MUC6: variants seen among roughly 807,000 people sequenced by gnomAD.
MUC6 encodes the protein mucin-6.
Under a neutral mutation model 201.5 loss-of-function variants are expected in MUC6, and 188 were observed. The observed-to-expected ratio is 0.93, with a 90% CI of 0.83 to 1.05. The LOEUF is 1.05. MUC6 is among the 50% of genes least tolerant of loss of function. MUC6 has a pLI of 0.00. For missense variants in MUC6, 2,706 were observed against 3,256.9 expected (o/e 0.83, Z 4.12); for synonymous variants, 1,228 against 1,389.4 (o/e 0.88, Z 2.58).
At position 1,030,928 on chromosome 11, in the gene MUC6, C is replaced by T; in HGVS notation, c.684+19G>A. ...CTGTCAGACCTGGGGTCAGCCCCAC[C>T]TGGAGCCCCCTTGCTTACGTGCTGG... On this transcript the variant is annotated intron_variant, in intron 6 of 32. Coordinates refer to ENST00000421673, the MANE Select transcript of MUC6 (RefSeq NM_005961.3). 6.4e-7 allele frequency: 1 copy of T among 1,554,884 alleles called. No individual in the cohort carries two copies. The highest frequency in any genetic ancestry group is 2.4e-5 in the East Asian group (1 of 41,534).
At chr11:1,022,904 G>A (rs190109132) in intron 26 of MUC6, among the ~76,000 whole-genome samples, 7 of 152,038 alleles carry the variant, frequency 4.6e-5, no homozygotes, top group African/African-American at 1.4e-4. Context: ...TTGAATGAAT[G>A]TGCGTGAATG....
In MUC6 at chr11:1,031,070, T is replaced by TG. The variant is rs745880412; in HGVS notation, c.575-15dup. ...CCAGGAACTTGCCTGGGGTGCAGAA[T>TG]GGGGGTCAGCACCGTGGGGGCTGGG... On this transcript the variant is annotated splice_polypyrimidine_tract_variant and intron_variant, in intron 5 of 32. Coordinates refer to ENST00000421673, the MANE Select transcript of MUC6 (RefSeq NM_005961.3). 6.4e-7 allele frequency: 1 copy of TG among 1,554,484 alleles called. No homozygotes were observed. Among genetic ancestry groups the TG allele is most frequent in the Admixed American group, 2.0e-5 (1 of 50,358 alleles).
In MUC6 at chr11:1,024,024, C is replaced by T. The variant is rs1339543801; in HGVS notation, c.3305G>A (p.Cys1102Tyr). 1 of 1,611,458 alleles carries T rather than the reference C, an allele frequency of 6.2e-7. No homozygotes were observed. Among genetic ancestry groups the T allele is most frequent in the Non-Finnish European group, 8.5e-7 (1 of 1,179,474 alleles). Reference protein sequence around the residue: ...CDSGGDCECLCDAVAAYAQAC... With the variant: ...CDSGGDCECLYDAVAAYAQAC... ...TTGGGCGTAGGCAGCCACGGCATCGCACAGACACTCACAGTCCCCGCCACT... is the reference window on the plus strand; with the variant it reads ...TTGGGCGTAGGCAGCCACGGCATCGTACAGACACTCACAGTCCCCGCCACT... The change falls in exon 25 of 33, where the codon TGC becomes TAC. Residue 1102 changes from cysteine (C) to tyrosine (Y), a missense_variant. By Grantham distance (194) the Cys-to-Tyr change is radical. Coordinates refer to ENST00000421673, the MANE Select transcript of MUC6 (RefSeq NM_005961.3).
chr11:1,034,736 C>T (rs1269136707), intron 1 of MUC6, among the ~76,000 whole-genome samples: 1 of 152,212 alleles, frequency 6.6e-6, no homozygotes, highest in African/African-American at 2.4e-5. Context: ...GGGCCGTCCC[C>T]GCTGTAGCAC....
chr11:1,022,799 G>A (rs1473484519), intron 26 of MUC6, among the ~76,000 whole-genome samples: 85 of 152,232 alleles, frequency 5.6e-4, no homozygotes, highest in Non-Finnish European at 4.4e-5. Context: ...GTGCGTGTGT[G>A]TATGAGCGAA....
At position 1,033,650 on chromosome 11, in the gene MUC6, C is replaced by A. The variant is rs1036803563; in HGVS notation, c.53-575G>T. The stretch of plus-strand genomic sequence containing the variant: ...TGTTGTCAGAGAAACATCCAGATAG[C>A]CCAGTCACGGTGACTCCAGGGCAGG... On this transcript the variant is annotated intron_variant, in intron 1 of 32. Coordinates refer to ENST00000421673, the MANE Select transcript of MUC6 (RefSeq NM_005961.3). This position sits in a 1 kb window ranked among gnomAD's most constrained non-coding sequence, Gnocchi z 5.6. Among the ~76,000 whole-genome samples, 14 of 152,110 alleles carry A rather than the reference C, an allele frequency of 9.2e-5. No individual in the cohort carries two copies. Among genetic ancestry groups the A allele is most frequent in the African/African-American group, 2.9e-4 (12 of 41,426 alleles).
rs555187329 is a variant in MUC6 at position 1,034,502 on chromosome 11, C to T, written c.53-1427G>A. Among the ~76,000 whole-genome samples, 29 of 152,240 alleles carry T rather than the reference C, an allele frequency of 1.9e-4. 1 individual carries two copies. The South Asian group carries it at 4.8e-3, about 25-fold the overall frequency. Reference sequence around the variant, plus strand: ...GCTCAGAGCACCTGCTGCAGGAGTGCGCAGCACACCGAACCCTCAGCCATG... The same window carrying T: ...GCTCAGAGCACCTGCTGCAGGAGTGTGCAGCACACCGAACCCTCAGCCATG... On this transcript the variant is annotated intron_variant, in intron 1 of 32. Coordinates refer to ENST00000421673, the MANE Select transcript of MUC6 (RefSeq NM_005961.3).
At chr11:1,025,427 G>C in intron 22 of MUC6, 60 bp from the exon 23 acceptor site, 2 of 1,556,730 alleles carry the variant, frequency 1.3e-6, no homozygotes, top group Middle Eastern at 2.0e-4. Context: ...TGGCACAGCC[G>C]TGCTGGACCG....
intron 31 of MUC6, among the ~76,000 whole-genome samples, chr11:1,014,942 A>G (rs1430838741): frequency 1.3e-5 from 2 of 152,026 alleles, no homozygotes; most frequent in African/African-American, 4.8e-5. Flanking sequence ...TCAGGGAGGG[A>G]CCCGAACCAA....
At chr11:1,032,827 G>A (rs1338539824) in intron 2 of MUC6, among the ~76,000 whole-genome samples, 186 bp downstream of exon 2, 1 of 151,030 alleles carries the variant, frequency 6.6e-6, no homozygotes, top group African/African-American at 2.4e-5. Flanking sequence ...CGTGTGTCAG[G>A]TGTGTGTGCA....
chr11:1,028,865 GC>G (rs1180766302), intron 12 of MUC6, 23 bp downstream of exon 12: 1 of 1,610,866 alleles, frequency 6.2e-7, no homozygotes, highest in African/African-American at 1.3e-5. Flanking sequence ...ACTCTGGGGG[GC>G]CACAGACTGG....
At position 1,033,529 on chromosome 11, in the gene MUC6, T is replaced by C. The variant is rs1857157832; in HGVS notation, c.53-454A>G. Among the ~76,000 whole-genome samples, 1 of 151,570 alleles carries C rather than the reference T, an allele frequency of 6.6e-6. No individual in the cohort carries two copies. On this transcript the variant is annotated intron_variant, in intron 1 of 32. Coordinates refer to ENST00000421673, the MANE Select transcript of MUC6 (RefSeq NM_005961.3). The surrounding 1 kb of genome is among the most constrained non-coding windows in gnomAD (Gnocchi z 5.6). Reference sequence around the variant, plus strand: ...TGCGCCAAGGCCCCACAGCCGGTTCTCCCTGCTCTCGGTGGCTCCGGGGCT... The same window carrying C: ...TGCGCCAAGGCCCCACAGCCGGTTCCCCCTGCTCTCGGTGGCTCCGGGGCT...
chr11:1,025,587 G>A (rs937518542), intron 22 of MUC6, among the ~76,000 whole-genome samples: 1 of 152,178 alleles, frequency 6.6e-6, no homozygotes, highest in Non-Finnish European at 1.5e-5. Context: ...CCCTCTGCCC[G>A]GGAGACATTC....
At chr11:1,027,890 C>G in intron 15 of MUC6, 73 bp from the exon 16 acceptor site, 1 of 1,572,110 alleles carries the variant, frequency 6.4e-7, no homozygotes. Context: ...CAAACCTATG[C>G]CCTTGGGTGC....
intron 1 of MUC6, among the ~76,000 whole-genome samples, chr11:1,035,195 G>A (rs894384195): frequency 2.0e-5 from 3 of 152,336 alleles, no homozygotes; most frequent in South Asian, 2.1e-4. Context: ...CAGAGATGGC[G>A]CTCAGAGATT....
intron 17 of MUC6, 32 bp downstream of exon 17, chr11:1,027,236 A>AC (rs765263597): frequency 2.5e-6 from 4 of 1,608,082 alleles, no homozygotes; most frequent in Admixed American, 1.7e-5. Context: ...CCTGGCAGGG[A>AC]CCCCCCGCCT....
intron 23 of MUC6, 30 bp downstream of exon 23, chr11:1,025,152 G>C: frequency 6.2e-7 from 1 of 1,610,388 alleles, no homozygotes; most frequent in Non-Finnish European, 8.5e-7. Context: ...ATCAGGGAGG[G>C]CCTGGGAGGA....
At chr11:1,019,198 C>T in intron 30 of MUC6, 77 bp downstream of exon 30, 2 of 1,468,566 alleles carry the variant, frequency 1.4e-6, no homozygotes, top group Non-Finnish European at 1.9e-6. Flanking sequence ...TTCTTTATGG[C>T]TGAATCACTG....
In MUC6 at chr11:1,016,270, C is replaced by G; in HGVS notation, c.6531G>C (p.Ser2177=). 6.2e-7 allele frequency: 1 copy of G among 1,612,808 alleles called. No individual in the cohort carries two copies. Among genetic ancestry groups the G allele is most frequent in the Non-Finnish European group, 8.5e-7 (1 of 1,179,608 alleles). ...SAPVHSTTLS[S]GSHSSLSTHP... ...GAGTGGACAATGAGGAGTGTGACCC[C>G]GAGCTCAGGGTTGTGGAGTGCACGG... Residue 2177 remains serine, a synonymous_variant, in exon 31 of 33, where the codon TCG becomes TCC. Coordinates refer to ENST00000421673, the MANE Select transcript of MUC6 (RefSeq NM_005961.3).
Sources: allele counts gnomAD v4.1 joint callset (sites outside exome capture counted in the v4.1 genomes callset), GRCh38; gene constraint gnomAD v4.1.1; non-coding constraint Gnocchi (gnomAD v3.1); transcripts MANE v1.5; gene names NCBI Gene and HGNC (gene_info 2026-07-23, HGNC 2026-07-21).